The following TENM2 variants were observed in gnomAD, a reference collection of about 807,000 sequenced individuals.
The protein encoded by TENM2 is teneurin transmembrane protein 2.
Under a neutral mutation model 245.2 loss-of-function variants are expected in TENM2, and 52 were observed. The observed-to-expected ratio is 0.21, with a 90% CI of 0.17 to 0.27. The LOEUF is 0.27. Ranked by LOEUF, TENM2 falls within the 10% of genes least tolerant of loss-of-function variation. The probability of loss-of-function intolerance (pLI) is 1.00; values close to 1 mark genes in which losing one functional copy is unlikely to be tolerated. For synonymous variants in TENM2, 1,363 were observed against 1,438.9 expected (o/e 0.95, Z 1.19); for missense variants, 3,046 against 3,666.8 (o/e 0.83, Z 4.37).
At chr5:167,314,593 T>C (rs1305231759) in intron 1 of TENM2, among the ~76,000 whole-genome samples, 2 of 152,162 alleles carry the variant, frequency 1.3e-5, no homozygotes, top group Non-Finnish European at 2.9e-5. Flanking sequence ...TAAGATGAGA[T>C]GGATGTCGTT....
At chr5:167,763,523 G>T (rs1762810598) in intron 2 of TENM2, among the ~76,000 whole-genome samples, 1 of 152,034 alleles carries the variant, frequency 6.6e-6, no homozygotes, top group Non-Finnish European at 1.5e-5. Context: ...GTGGGGCGGG[G>T]AATAGAAAAG....
the TENM2 span, among the ~76,000 whole-genome samples, chr5:167,075,054 T>C: frequency 3.2e-4 from 48 of 152,222 alleles, 1 homozygote; most frequent in South Asian, 9.5e-3. Flanking sequence ...AACCAAGTGG[T>C]TAGGAAATCC....
intron 25 of TENM2, among the ~76,000 whole-genome samples, chr5:168,236,636 G>A (rs1431798279): frequency 6.6e-6 from 1 of 151,932 alleles, no homozygotes; most frequent in Non-Finnish European, 1.5e-5. Context: ...CACTAAAAAT[G>A]GTTTTTGTTG....
intron 1 of TENM2, among the ~76,000 whole-genome samples, chr5:167,334,190 T>C (rs1024232608): frequency 1.3e-5 from 2 of 152,138 alleles, no homozygotes; most frequent in African/African-American, 4.8e-5. Flanking sequence ...TGAAGACAGG[T>C]TAAGTAGCTT....
At chr5:167,904,367 A>G (rs1306555813) in intron 3 of TENM2, among the ~76,000 whole-genome samples, 1 of 152,200 alleles carries the variant, frequency 6.6e-6, no homozygotes, top group Non-Finnish European at 1.5e-5. Flanking sequence ...ATTGGTAAAG[A>G]AGGGATAAAG....
intron 2 of TENM2, among the ~76,000 whole-genome samples, chr5:167,712,997 T>C (rs1759008689): frequency 6.6e-6 from 1 of 152,176 alleles, no homozygotes; most frequent in Non-Finnish European, 1.5e-5. Flanking sequence ...AGTATTTTCC[T>C]GCCTGGTGGG....
chr5:167,012,704 C>T, the TENM2 span, among the ~76,000 whole-genome samples: 6 of 152,174 alleles, frequency 3.9e-5, no homozygotes, highest in South Asian at 2.1e-4. Context: ...GTTGAAATCT[C>T]ATGCTCCTCT....
the TENM2 span, among the ~76,000 whole-genome samples, chr5:167,080,969 A>AT: frequency 6.6e-6 from 1 of 151,802 alleles, no homozygotes; most frequent in Non-Finnish European, 1.5e-5. Flanking sequence ...TTCCTATGCT[A>AT]TTTTTTTAGT....
intron 3 of TENM2, among the ~76,000 whole-genome samples, chr5:167,889,205 A>T (rs1561900208): frequency 6.6e-6 from 1 of 152,162 alleles, no homozygotes; most frequent in Non-Finnish European, 1.5e-5. Context: ...ATTTATCTTT[A>T]TTGCGACTTC....
At chr5:168,222,751 T>G (rs1055312202) in intron 23 of TENM2, among the ~76,000 whole-genome samples, 45 of 152,326 alleles carry the variant, frequency 3.0e-4, no homozygotes, top group African/African-American at 1.1e-3. Context: ...CCTCCCTTCT[T>G]TATTTTAGTC....
intron 2 of TENM2, among the ~76,000 whole-genome samples, chr5:167,685,602 A>C (rs2150389467): frequency 6.6e-6 from 1 of 152,314 alleles, no homozygotes; most frequent in East Asian, 1.9e-4. Flanking sequence ...TCTTGCACTT[A>C]GGAGTGTCTA....
At chr5:167,610,250 A>G (rs1777384084) in intron 2 of TENM2, among the ~76,000 whole-genome samples, 1 of 152,138 alleles carries the variant, frequency 6.6e-6, no homozygotes, top group Non-Finnish European at 1.5e-5. Flanking sequence ...ACCACCCTCC[A>G]GGAACCCCCG....
intron 1 of TENM2, among the ~76,000 whole-genome samples, chr5:167,311,398 G>T (rs1561853691): frequency 6.6e-6 from 1 of 152,100 alleles, no homozygotes; most frequent in African/African-American, 2.4e-5. Flanking sequence ...TTGTTTGTGT[G>T]TATGTGGAAT....
chr5:167,906,666 C>T (rs535861888), intron 3 of TENM2, among the ~76,000 whole-genome samples: 17 of 152,266 alleles, frequency 1.1e-4, no homozygotes, highest in African/African-American at 3.4e-4. Context: ...TGGGTGGGTA[C>T]ACAACTCCAG....
the TENM2 span, among the ~76,000 whole-genome samples, chr5:167,264,230 ATGT>A: frequency 6.6e-6 from 1 of 151,956 alleles, no homozygotes; most frequent in African/African-American, 2.4e-5. Flanking sequence ...TCTATTCTAC[ATGT>A]TGTTATTTAT....
chr5:167,092,685 T>C, the TENM2 span, among the ~76,000 whole-genome samples: 1 of 152,154 alleles, frequency 6.6e-6, no homozygotes, highest in Non-Finnish European at 1.5e-5. Flanking sequence ...AGATAAGTTA[T>C]GGTGAAGCCA....
intron 2 of TENM2, among the ~76,000 whole-genome samples, chr5:167,415,282 A>AT (rs397744795): frequency 4.0e-5 from 6 of 150,442 alleles, no homozygotes; most frequent in African/African-American, 1.5e-4. Flanking sequence ...ATGAAAAAAA[A>AT]CTACTACAGC....
chr5:167,856,695 C>T (rs1294420142), intron 2 of TENM2, among the ~76,000 whole-genome samples: 6 of 152,104 alleles, frequency 3.9e-5, no homozygotes, highest in Non-Finnish European at 8.8e-5. Flanking sequence ...TCCTTTTCCC[C>T]ACGGGGCTGT....
chr5:167,093,076 G>A, the TENM2 span, among the ~76,000 whole-genome samples: 1 of 151,960 alleles, frequency 6.6e-6, no homozygotes, highest in African/African-American at 2.4e-5. Flanking sequence ...ACTTAATCAT[G>A]TCAGCTAGAA....
Sources: allele counts gnomAD v4.1 joint callset (sites outside exome capture counted in the v4.1 genomes callset), GRCh38; gene constraint gnomAD v4.1.1; transcripts MANE v1.5; gene names NCBI Gene and HGNC (gene_info 2026-07-23, HGNC 2026-07-21).